Variants in ERG observed in about 807,000 individuals in gnomAD.
ERG encodes the protein ETS transcription factor ERG, also known as transcriptional regulator ERG.
In ERG, 9 loss-of-function variants were observed where a neutral mutation model predicts 55.3. That is an observed-to-expected ratio of 0.16 (90% confidence interval 0.10 to 0.28). The LOEUF (loss-of-function observed/expected upper bound fraction) is 0.28. ERG is among the 10% of genes least tolerant of loss of function. ERG has a pLI of 1.00. For synonymous variants in ERG, 223 were observed against 237.3 expected (o/e 0.94, Z 0.55); for missense variants, 434 against 631.6 (o/e 0.69, Z 3.35).
intron 2 of ERG, among the ~76,000 whole-genome samples, chr21:38,522,333 C>T (rs190938537): frequency 6.9e-4 from 104 of 151,814 alleles, no homozygotes; most frequent in Non-Finnish European, 1.3e-3. Flanking sequence ...CATTTTTGTT[C>T]CTTTTTCTTA....
chr21:38,621,410 T>C (rs1016101406), intron 1 of ERG, among the ~76,000 whole-genome samples: 1 of 152,106 alleles, frequency 6.6e-6, no homozygotes, highest in Non-Finnish European at 1.5e-5. Flanking sequence ...AGGTGGCAAC[T>C]TGAAGAGGAA....
At chr21:38,475,745 G>A (rs796203326) in intron 1 of ERG, among the ~76,000 whole-genome samples, 3 of 151,974 alleles carry the variant, frequency 2.0e-5, no homozygotes, top group Non-Finnish European at 4.4e-5. Context: ...CTCTGTCTTC[G>A]TTGAGCTGTG....
At chr21:38,536,583 T>C (rs915459225) in intron 2 of ERG, among the ~76,000 whole-genome samples, 2 of 152,156 alleles carry the variant, frequency 1.3e-5, no homozygotes, top group African/African-American at 4.8e-5. Flanking sequence ...CAACAGACCA[T>C]GGTTTTGAAT....
At chr21:38,584,063 T>C (rs963259732) in intron 1 of ERG, among the ~76,000 whole-genome samples, 8 of 152,230 alleles carry the variant, frequency 5.3e-5, no homozygotes, top group African/African-American at 1.9e-4. Context: ...CCATTTTAAT[T>C]GTACCATTTC....
At chr21:38,540,088 GT>G (rs2059741710) in intron 2 of ERG, among the ~76,000 whole-genome samples, 1 of 151,866 alleles carries the variant, frequency 6.6e-6, no homozygotes, top group South Asian at 2.1e-4. Flanking sequence ...TAGATACGGG[GT>G]TTCACAATGT....
Position 38,383,182 on chromosome 21 carries a change from A to G in ERG, c.*221T>C. The G allele has an allele frequency of 2.4e-6, 3 of 1,263,310 alleles. No individual in the cohort carries two copies. Among genetic ancestry groups the G allele is most frequent in the East Asian group, 5.9e-5 (2 of 34,060 alleles). The allele number at this position is 1,263,310 out of a possible 1,614,324, so 78.3% of individuals were successfully genotyped here. Reference sequence around the variant, plus strand: ...TTTACAAGGTCAGTCCACAGATGATATGTCCATATTCGTGACATTTTTAGC... The same window carrying G: ...TTTACAAGGTCAGTCCACAGATGATGTGTCCATATTCGTGACATTTTTAGC... On this transcript the variant is annotated 3_prime_UTR_variant, in exon 10 of 10. Transcript: ENST00000288319. This position sits in a 1 kb window ranked among gnomAD's most constrained non-coding sequence, Gnocchi z 5.7.
At position 38,400,638 on chromosome 21, in the gene ERG, T is replaced by C; in HGVS notation, c.681A>G (p.Ala227=). The change falls in exon 6 of 10, where the codon GCA becomes GCG. Residue 227 remains alanine, a synonymous_variant. Transcript: ENST00000288319. The part of the protein sequence containing the change: ...RLMHARNTGG[A]AFIFPNTSVY... ...CTGAAGTATTTGGGAAAATAAAAGC[T>C]GCACCCCCTGCAGACAAAAGGAAAG... 6.2e-7 allele frequency: 1 copy of C among 1,602,954 alleles called. No homozygotes were observed. Among genetic ancestry groups the C allele is most frequent in the Non-Finnish European group, 8.5e-7 (1 of 1,170,934 alleles).
chr21:38,437,583 T>C (rs908090041), intron 2 of ERG, among the ~76,000 whole-genome samples: 2 of 152,210 alleles, frequency 1.3e-5, no homozygotes, highest in African/African-American at 4.8e-5. Context: ...CTGTCCCCAG[T>C]GTCTGGGGTG....
At chr21:38,386,801 T>C (rs1011692699) in intron 9 of ERG, among the ~76,000 whole-genome samples, 2 of 149,956 alleles carry the variant, frequency 1.3e-5, no homozygotes, top group Non-Finnish European at 3.0e-5. Context: ...TTTTTTTTTT[T>C]ACTCTCTCTT....
intron 2 of ERG, among the ~76,000 whole-genome samples, chr21:38,430,326 T>C (rs747551029): frequency 2.6e-5 from 4 of 152,244 alleles, no homozygotes; most frequent in Non-Finnish European, 4.4e-5. Context: ...CTTTGTCAAA[T>C]GCATAGTTTG....
At chr21:38,634,151 T>C (rs2146961082) in intron 1 of ERG, among the ~76,000 whole-genome samples, 2 of 152,342 alleles carry the variant, frequency 1.3e-5, no homozygotes, top group African/African-American at 4.8e-5. Context: ...TTTAAGGAAA[T>C]ACTGCTTTGA....
intron 2 of ERG, among the ~76,000 whole-genome samples, chr21:38,429,253 T>C (rs1207901118): frequency 6.6e-6 from 1 of 150,816 alleles, no homozygotes; most frequent in Non-Finnish European, 1.5e-5. Flanking sequence ...ATGGTGTGTG[T>C]GTGTATATAC....
chr21:38,537,360 A>G lies in ERG; in HGVS notation c.-41+38302T>C, dbSNP rs750928992. On this transcript the variant is annotated intron_variant, in intron 2 of 8. Transcript: ENST00000398897. ...TTTGTGAGTCAAACAAGCTATCAAC[A>G]AAGTCAAAAGACATCCTATAAAATA... Among the ~76,000 whole-genome samples the G allele has an allele frequency of 1.6e-3, 237 of 152,222 alleles. 1 individual carries two copies. The highest frequency in any genetic ancestry group is 2.9e-3 in the Non-Finnish European group (196 of 68,000).
At chr21:38,402,192 C>T (rs942442566) in intron 5 of ERG, among the ~76,000 whole-genome samples, 2 of 152,104 alleles carry the variant, frequency 1.3e-5, no homozygotes, top group Admixed American at 6.5e-5. Context: ...GCTAAGGGCC[C>T]TTTTATATCG....
intron 2 of ERG, among the ~76,000 whole-genome samples, chr21:38,566,897 C>A (rs889219258): frequency 6.6e-6 from 1 of 152,184 alleles, no homozygotes; most frequent in Non-Finnish European, 1.5e-5. Context: ...TGCATTTTAA[C>A]CAACTCCTCA....
intron 2 of ERG, among the ~76,000 whole-genome samples, chr21:38,429,715 ATATGTCTATATATATGTGTG>A (rs1990109951): frequency 7.6e-6 from 1 of 131,160 alleles, no homozygotes; most frequent in African/African-American, 3.3e-5. Flanking sequence ...GTGTGTGCAT[ATATGTCTATATATATGTGTG>A]TATATATATA....
chr21:38,462,138 GCC>G (rs2059049246), intron 1 of ERG, among the ~76,000 whole-genome samples: 2 of 152,102 alleles, frequency 1.3e-5, no homozygotes, highest in South Asian at 4.1e-4. Flanking sequence ...CCGCCACCAC[GCC>G]TGGCTAATTT....
At chr21:38,573,358 T>G (rs893094115) in intron 2 of ERG, among the ~76,000 whole-genome samples, 1 of 152,198 alleles carries the variant, frequency 6.6e-6, no homozygotes, top group African/African-American at 2.4e-5. Flanking sequence ...GCAGTTGAGA[T>G]AGAGGAAGGC....
chr21:38,625,915 CTTTTTTTTTTTTTTTTT>C (rs397797559), intron 1 of ERG, among the ~76,000 whole-genome samples: 1 of 84,430 alleles, frequency 1.2e-5, no homozygotes, highest in South Asian at 4.6e-4. Context: ...ACTTGAAGCT[CTTTTTTTTTTTTTTTTT>C]TTTTTTTTGA....
Sources: gnomAD v4.1 joint callset for allele counts (sites outside exome capture counted in the v4.1 genomes callset) on GRCh38, gnomAD v4.1.1 for gene constraint, Gnocchi (gnomAD v3.1) non-coding constraint, MANE v1.5 for transcripts, NCBI Gene and HGNC (gene_info 2026-07-23, HGNC 2026-07-21) for gene names.